GRAMD4: variants seen among roughly 807,000 people sequenced by gnomAD.
GRAMD4 encodes the protein GRAM domain containing 4.
Under a neutral mutation model 83.9 loss-of-function variants are expected in GRAMD4, and 25 were observed. The ratio of observed to expected loss-of-function variants is 0.30; its 90% CI spans 0.22 to 0.42. GRAMD4 has a LOEUF of 0.42. GRAMD4 is among the 10% of genes least tolerant of loss of function. GRAMD4 has a pLI of 1.00. For missense variants in GRAMD4, 593 were observed against 788.7 expected (o/e 0.75, Z 2.97); for synonymous variants, 336 against 320.9 (o/e 1.05, Z -0.50).
At chr22:46,596,346 C>T (rs372940683) in intron 1 of GRAMD4, among the ~76,000 whole-genome samples, 20 of 152,212 alleles carry the variant, frequency 1.3e-4, no homozygotes, top group African/African-American at 4.6e-4. Context: ...CCCTGGCGGC[C>T]CTTTCTGCAG....
At chr22:46,676,503 G>C in intron 17 of GRAMD4, 97 bp from the exon 18 acceptor site, 1 of 1,078,658 alleles carries the variant, frequency 9.3e-7, no homozygotes, top group Non-Finnish European at 1.4e-6. Context: ...CCTGCTGCCT[G>C]TGTGCCCAGT....
intron 3 of GRAMD4, among the ~76,000 whole-genome samples, chr22:46,645,639 C>T (rs1366913698): frequency 1.3e-5 from 2 of 152,156 alleles, no homozygotes; most frequent in Non-Finnish European, 2.9e-5. Flanking sequence ...ATGGCCCAAG[C>T]GTGCCGCAGC....
chr22:46,608,283 A>T (rs537194420), intron 1 of GRAMD4, among the ~76,000 whole-genome samples: 63 of 151,992 alleles, frequency 4.1e-4, no homozygotes, highest in African/African-American at 1.5e-3. Flanking sequence ...CTGTCAGGAC[A>T]CTCTTCTGTG....
chr22:46,681,833 G>A (rs763447817), downstream of GRAMD4, among the ~76,000 whole-genome samples: 71 of 152,206 alleles, frequency 4.7e-4, no homozygotes, highest in Non-Finnish European at 9.3e-4. Flanking sequence ...GGACCAAAGT[G>A]AGTGACGCTG....
chr22:46,676,527 C>A, intron 17 of GRAMD4, 73 bp from the exon 18 acceptor site: 1 of 1,378,344 alleles, frequency 7.3e-7, no homozygotes, highest in Non-Finnish European at 1.0e-6. Context: ...GGAGGATGCC[C>A]TGGGCCTGTG....
chr22:46,639,036 G>A (rs2081933247), intron 3 of GRAMD4, among the ~76,000 whole-genome samples: 1 of 152,222 alleles, frequency 6.6e-6, no homozygotes, highest in African/African-American at 2.4e-5. Context: ...CTGGCAACAG[G>A]CCAGAGCGTG....
chr22:46,673,601 C>T (rs940288579), intron 14 of GRAMD4, 69 bp from the exon 15 acceptor site: 28 of 1,548,526 alleles, frequency 1.8e-5, no homozygotes, highest in Non-Finnish European at 2.2e-5. Flanking sequence ...GGTGTGTGTG[C>T]GGCCAGCACA....
rs549120945 is a variant in GRAMD4, at chr22:46,652,736, C to T, written c.284-5451C>T. Among the ~76,000 whole-genome samples, 164 of 152,294 alleles carry T rather than the reference C, an allele frequency of 1.1e-3. 1 individual carries two copies. Among genetic ancestry groups the T allele is most frequent in the African/African-American group, 3.7e-3 (152 of 41,564 alleles). ...CAGCTGCAGATTTTCGGTGCCTGGA[C>T]AGGGGCCGGGGCTGGACGAGAGGAA... On this transcript the variant is annotated intron_variant, in intron 3 of 18. Coordinates refer to ENST00000406902, the MANE Select transcript of GRAMD4 (RefSeq NM_015124.5).
At chr22:46,611,594 A>T (rs1473890622) in intron 1 of GRAMD4, among the ~76,000 whole-genome samples, 3 of 152,064 alleles carry the variant, frequency 2.0e-5, no homozygotes, top group Non-Finnish European at 2.9e-5. Flanking sequence ...TCGTCCTTTC[A>T]TCCTGCTTTG....
At chr22:46,633,755 C>G (rs1415490351) in intron 2 of GRAMD4, among the ~76,000 whole-genome samples, 1 of 152,184 alleles carries the variant, frequency 6.6e-6, no homozygotes. Flanking sequence ...AAAGGCAACC[C>G]CTAGTTCCGA....
intron 5 of GRAMD4, among the ~76,000 whole-genome samples, chr22:46,662,145 C>G (rs2082337047): frequency 6.6e-6 from 1 of 152,264 alleles, no homozygotes; most frequent in Non-Finnish European, 1.5e-5. Context: ...TGGACCCTCC[C>G]CTTAAAAACT....
chr22:46,664,153 G>A, intron 8 of GRAMD4, 36 bp downstream of exon 8: 1 of 1,425,714 alleles, frequency 7.0e-7, no homozygotes. Context: ...CAGGGTGGGT[G>A]GGATGTGCCT....
intron 1 of GRAMD4, among the ~76,000 whole-genome samples, chr22:46,593,405 G>T (rs1239626099): frequency 4.6e-5 from 7 of 152,164 alleles, no homozygotes; most frequent in Non-Finnish European, 1.0e-4. Context: ...CCATTTGGCA[G>T]GTGTTCTCTG....
chr22:46,656,638 T>TAGAAGCCTG (rs1389493086), intron 3 of GRAMD4, among the ~76,000 whole-genome samples: 3 of 152,192 alleles, frequency 2.0e-5, no homozygotes, highest in African/African-American at 7.2e-5. Flanking sequence ...CTTCCAGGCT[T>TAGAAGCCTG]AGAAGCCTGC....
intron 1 of GRAMD4, among the ~76,000 whole-genome samples, chr22:46,609,049 C>T (rs1053094848): frequency 8.5e-5 from 13 of 152,066 alleles, no homozygotes; most frequent in Non-Finnish European, 1.9e-4. Context: ...GCCACAGTGA[C>T]CTATGATTGT....
At chr22:46,645,153 C>T (rs2082055949) in intron 3 of GRAMD4, among the ~76,000 whole-genome samples, 1 of 151,826 alleles carries the variant, frequency 6.6e-6, no homozygotes, top group African/African-American at 2.4e-5. Context: ...ATGGGATGAG[C>T]TTGTTTTTAT....
chr22:46,641,497 G>A (rs2081975228), intron 3 of GRAMD4, among the ~76,000 whole-genome samples: 1 of 152,228 alleles, frequency 6.6e-6, no homozygotes, highest in Non-Finnish European at 1.5e-5. Context: ...TGAGGTTGGT[G>A]TGCTGTGCTC....
intron 4 of GRAMD4, 46 bp downstream of exon 4, chr22:46,658,353 A>AACCCG: frequency 6.7e-7 from 1 of 1,496,356 alleles, no homozygotes; most frequent in Non-Finnish European, 9.0e-7. Context: ...GGCTGCCCCA[A>AACCCG]CCCCCCACCC....
At chr22:46,635,617 C>T (rs866886485) in intron 2 of GRAMD4, among the ~76,000 whole-genome samples, 135 of 94,450 alleles carry the variant, frequency 1.4e-3, no homozygotes, top group Non-Finnish European at 2.1e-3. Flanking sequence ...GCCCCGCCCC[C>T]GGCCACTCCT....
Sources: gnomAD v4.1 joint callset for allele counts (sites outside exome capture counted in the v4.1 genomes callset) on GRCh38, gnomAD v4.1.1 for gene constraint, MANE v1.5 for transcripts, NCBI Gene and HGNC (gene_info 2026-07-23, HGNC 2026-07-21) for gene names.